BAZ2B: variants seen among roughly 807,000 people sequenced by gnomAD.
BAZ2B encodes bromodomain adjacent to zinc finger domain protein 2B.
Under a neutral mutation model 246.0 loss-of-function variants are expected in BAZ2B, and 91 were observed. The ratio of observed to expected loss-of-function variants is 0.37; its 90% CI spans 0.31 to 0.44. The LOEUF (loss-of-function observed/expected upper bound fraction) is 0.44. Among genes scored for constraint, BAZ2B ranks in the 20% least tolerant of loss-of-function variants. The probability of loss-of-function intolerance (pLI) is 1.00; values close to 1 mark genes in which losing one functional copy is unlikely to be tolerated. For missense variants in BAZ2B, 2,332 were observed against 2,533.7 expected, an observed-to-expected ratio of 0.92 and a Z score of 1.71; for synonymous variants, 855 against 860.0, an observed-to-expected ratio of 0.99 and a Z score of 0.10.
the BAZ2B span, among the ~76,000 whole-genome samples, chr2:159,642,103 T>C: frequency 6.6e-6 from 1 of 152,182 alleles, no homozygotes; most frequent in Non-Finnish European, 1.5e-5. Context: ...ATAGCAGAAA[T>C]TGAAAATGTG....
chr2:159,709,220 G>C, the BAZ2B span, among the ~76,000 whole-genome samples: 1 of 151,746 alleles, frequency 6.6e-6, no homozygotes, highest in Admixed American at 6.6e-5. Context: ...CTGGGAGGCC[G>C]AGGCAGGCAG....
chr2:159,685,976 TAG>T, the BAZ2B span, among the ~76,000 whole-genome samples: 10 of 152,080 alleles, frequency 6.6e-5, no homozygotes, highest in Admixed American at 1.3e-4. Context: ...TAAAGAATAA[TAG>T]AGACTGGCCC....
the BAZ2B span, among the ~76,000 whole-genome samples, chr2:159,671,810 ATATATAATTTTTAATCATAT>A: frequency 6.6e-6 from 1 of 152,156 alleles, no homozygotes; most frequent in Non-Finnish European, 1.5e-5. Context: ...CTTCTCATGG[ATATATAATTTTTAATCATAT>A]CAACAAATTC....
chr2:159,596,566 G>A (rs1043084101), intron 1 of BAZ2B, among the ~76,000 whole-genome samples: 4 of 151,772 alleles, frequency 2.6e-5, no homozygotes, highest in Non-Finnish European at 4.4e-5. Flanking sequence ...ATAGGGCATT[G>A]GGGAACAGGT....
chr2:159,457,346 G>C (rs564703384), intron 3 of BAZ2B, among the ~76,000 whole-genome samples: 1 of 152,314 alleles, frequency 6.6e-6, no homozygotes, highest in South Asian at 2.1e-4. Context: ...ACAGGACTCA[G>C]TAATACAACC....
chr2:159,531,682 G>A (rs1484645307), intron 2 of BAZ2B, among the ~76,000 whole-genome samples: 1 of 151,920 alleles, frequency 6.6e-6, no homozygotes, highest in Admixed American at 6.6e-5. Flanking sequence ...ATCTGCCACC[G>A]AGCCATTTAC....
At chr2:159,703,328 A>G in the BAZ2B span, among the ~76,000 whole-genome samples, 50 of 151,900 alleles carry the variant, frequency 3.3e-4, no homozygotes, top group Admixed American at 9.8e-4. Flanking sequence ...TCCTGACCTC[A>G]GGTAATCTGC....
chr2:159,455,605 T>C (rs1268349875), intron 3 of BAZ2B, among the ~76,000 whole-genome samples: 1 of 152,034 alleles, frequency 6.6e-6, no homozygotes, highest in African/African-American at 2.4e-5. Context: ...CTAAATCAGC[T>C]AATCATTGTT....
intron 31 of BAZ2B, among the ~76,000 whole-genome samples, chr2:159,347,195 T>C (rs1372209343): frequency 1.3e-5 from 2 of 152,140 alleles, no homozygotes. Flanking sequence ...TCGGAAATAA[T>C]ACCTCTGAAT....
At chr2:159,363,631 C>T (rs902546862) in intron 27 of BAZ2B, among the ~76,000 whole-genome samples, 1 of 152,146 alleles carries the variant, frequency 6.6e-6, no homozygotes, top group African/African-American at 2.4e-5. Context: ...ATAGGCTGAA[C>T]TCAGGCAATC....
chr2:159,403,278 T>C (rs944287786), intron 16 of BAZ2B, among the ~76,000 whole-genome samples: 13 of 152,208 alleles, frequency 8.5e-5, no homozygotes, highest in African/African-American at 2.7e-4. Context: ...TATTCTGAGA[T>C]TGGCCTCAGA....
At chr2:159,514,049 T>C (rs1267342314) in intron 2 of BAZ2B, among the ~76,000 whole-genome samples, 6 of 152,162 alleles carry the variant, frequency 3.9e-5, no homozygotes. Flanking sequence ...CTCAACATCA[T>C]CTTTTTTGTG....
chr2:159,374,723 C>T lies in BAZ2B; in HGVS notation c.4036G>A (p.Glu1346Lys). The change falls in exon 26 of 37, where the codon GAG becomes AAG. Residue 1346 changes from glutamate to lysine, a missense_variant. Coordinates refer to ENST00000392783, the MANE Select transcript of BAZ2B (RefSeq NM_013450.4). Reference protein sequence around the residue: ...DEGDQAASVEELEKQIEKLSK... With the variant: ...DEGDQAASVEKLEKQIEKLSK... Reference sequence around the variant, plus strand: ...AGTTTTTCAATCTGTTTTTCCAGCTCTTCAACACTTGCTGCTTGGTCACCT... The same window carrying T: ...AGTTTTTCAATCTGTTTTTCCAGCTTTTCAACACTTGCTGCTTGGTCACCT... 1 of 1,613,170 alleles carries T rather than the reference C, an allele frequency of 6.2e-7. No individual in the cohort carries two copies. The highest frequency in any genetic ancestry group is 1.1e-5 in the South Asian group (1 of 91,064).
At chr2:159,504,665 T>C (rs1177382297) in intron 2 of BAZ2B, among the ~76,000 whole-genome samples, 1 of 152,222 alleles carries the variant, frequency 6.6e-6, no homozygotes. Flanking sequence ...AACACATCAA[T>C]ACCTTGGGAT....
Position 159,608,491 on chromosome 2 carries a change from A to G in BAZ2B, c.-46+7751T>C, listed in dbSNP as rs566524150. ...CAGACAAATAAAATCCCAAACCTGC[A>G]TTTTAGTCAAAAACTAAGAACCCCT... is the stretch of plus-strand genomic sequence containing the variant. On this transcript the variant is annotated intron_variant, in intron 1 of 36. Transcript: ENST00000392783. 2.7e-4 allele frequency among the ~76,000 whole-genome samples: 41 copies of G among 152,332 alleles called. No homozygotes were observed. In the South Asian group the frequency reaches 8.3e-3, roughly 31 times the overall value.
At chr2:159,429,098 T>G in intron 11 of BAZ2B, 102 bp downstream of exon 11, 1 of 766,772 alleles carries the variant, frequency 1.3e-6, no homozygotes, top group Middle Eastern at 2.6e-4. Flanking sequence ...TATGCAGCTA[T>G]GTACTTCTTC....
chr2:159,483,148 A>T (rs549946620), intron 2 of BAZ2B, among the ~76,000 whole-genome samples: 1 of 152,208 alleles, frequency 6.6e-6, no homozygotes, highest in Non-Finnish European at 1.5e-5. Context: ...TCTAGTAGGT[A>T]CATCTTTTAA....
At chr2:159,413,708 CTAAA>C (rs34809172) in intron 13 of BAZ2B, among the ~76,000 whole-genome samples, 7 of 151,334 alleles carry the variant, frequency 4.6e-5, no homozygotes, top group African/African-American at 1.2e-4. Context: ...GACTTCATCT[CTAAA>C]TAAATAAATA....
chr2:159,484,675 T>C (rs1009425506), intron 2 of BAZ2B, among the ~76,000 whole-genome samples: 5 of 152,192 alleles, frequency 3.3e-5, no homozygotes, highest in Non-Finnish European at 5.9e-5. Flanking sequence ...TGTGTAATCA[T>C]AGAGTTCATG....
Sources: gnomAD v4.1 joint callset for allele counts (sites outside exome capture counted in the v4.1 genomes callset) on GRCh38, gnomAD v4.1.1 for gene constraint, MANE v1.5 for transcripts, NCBI Gene and HGNC (gene_info 2026-07-23, HGNC 2026-07-21) for gene names.